AGBL4: variants seen among roughly 807,000 people sequenced by gnomAD.
AGBL4 encodes the protein cytosolic carboxypeptidase 6.
In AGBL4, 58 loss-of-function variants were observed where a neutral mutation model predicts 66.4. That is an observed-to-expected ratio of 0.87 (90% CI 0.71 to 1.09). AGBL4 has a LOEUF of 1.09. Ranked by LOEUF, AGBL4 falls within the 50% of genes least tolerant of loss-of-function variation. The probability of loss-of-function intolerance (pLI) is 0.00; values close to 1 mark genes in which losing one functional copy is unlikely to be tolerated. For synonymous variants in AGBL4, 234 were observed against 222.9 expected (o/e 1.05, Z -0.44); for missense variants, 579 against 631.0 (o/e 0.92, Z 0.88).
intron 5 of AGBL4, among the ~76,000 whole-genome samples, chr1:48,913,497 T>C (rs2148883941): frequency 6.6e-6 from 1 of 152,246 alleles, no homozygotes; most frequent in Middle Eastern, 3.4e-3. Flanking sequence ...TCCTGTCAGA[T>C]CAACAGCAGC....
At chr1:49,517,936 T>C (rs1649960996) in intron 3 of AGBL4, among the ~76,000 whole-genome samples, 1 of 152,040 alleles carries the variant, frequency 6.6e-6, no homozygotes, top group South Asian at 2.1e-4. Flanking sequence ...ATTCTGTTCC[T>C]TTATCAATAA....
At chr1:49,791,977 A>C (rs1269456495) in intron 2 of AGBL4, among the ~76,000 whole-genome samples, 1 of 152,112 alleles carries the variant, frequency 6.6e-6, no homozygotes, top group South Asian at 2.1e-4. Flanking sequence ...AATTTGTATT[A>C]AATAAATGAC....
At chr1:48,944,626 C>T (rs1400000162) in intron 5 of AGBL4, among the ~76,000 whole-genome samples, 1 of 152,164 alleles carries the variant, frequency 6.6e-6, no homozygotes, top group Non-Finnish European at 1.5e-5. Flanking sequence ...CGCCAGGCCT[C>T]ATTCTGTTAT....
At chr1:49,356,761 T>C (rs6659225) in intron 3 of AGBL4, among the ~76,000 whole-genome samples, 105,672 of 152,084 alleles carry the variant, frequency 0.69, 37,619 homozygotes, top group African/African-American at 0.82. Context: ...GTTCTCAATG[T>C]AGGCAAAGTG....
chr1:49,010,731 C>T (rs1027422505), intron 5 of AGBL4, among the ~76,000 whole-genome samples: 8 of 150,826 alleles, frequency 5.3e-5, no homozygotes, highest in Non-Finnish European at 1.2e-4. Flanking sequence ...CGCCGCATAT[C>T]TACAACTATC....
In AGBL4 at chr1:49,095,697, A is replaced by T. The variant is rs571844577; in HGVS notation, c.378-49897T>A. On this transcript the variant is annotated intron_variant, in intron 4 of 13. Coordinates refer to ENST00000371839, the MANE Select transcript of AGBL4 (RefSeq NM_032785.4). ...TTATACAAAAATCAATTCAAGATGG[A>T]TTAAAGACTTAAACATTAGACCTAA... Among the ~76,000 whole-genome samples the T allele has an allele frequency of 1.1e-3, 161 of 152,004 alleles. 2 individuals are homozygous for T. The East Asian group carries it at 0.027, about 25-fold the overall frequency.
intron 2 of AGBL4, among the ~76,000 whole-genome samples, chr1:49,792,422 C>G (rs1051170007): frequency 6.6e-6 from 1 of 151,834 alleles, no homozygotes; most frequent in African/African-American, 2.4e-5. Context: ...ATATTATAAA[C>G]CAGAGCAGAA....
At chr1:49,412,255 T>G (rs1160084342) in intron 3 of AGBL4, among the ~76,000 whole-genome samples, 1 of 152,156 alleles carries the variant, frequency 6.6e-6, no homozygotes, top group African/African-American at 2.4e-5. Context: ...AGCAAGAGCA[T>G]GTTCAGGTTC....
intron 6 of AGBL4, among the ~76,000 whole-genome samples, chr1:48,729,814 T>C (rs555373909): frequency 1.3e-5 from 2 of 152,054 alleles, no homozygotes. Flanking sequence ...AAGCTTTTAA[T>C]TGACCTCGAC....
intron 1 of AGBL4, among the ~76,000 whole-genome samples, chr1:49,978,313 A>G (rs1185637133): frequency 6.6e-6 from 1 of 152,166 alleles, no homozygotes; most frequent in African/African-American, 2.4e-5. Context: ...GTATAGTGGT[A>G]TGCACTTGTA....
At chr1:48,858,241 A>T (rs1407235235) in intron 6 of AGBL4, among the ~76,000 whole-genome samples, 1 of 152,216 alleles carries the variant, frequency 6.6e-6, no homozygotes, top group East Asian at 1.9e-4. Flanking sequence ...GGAATATAAA[A>T]GGTGCAATGA....
At chr1:48,699,081 G>A (rs777037819) in intron 6 of AGBL4, among the ~76,000 whole-genome samples, 2 of 152,200 alleles carry the variant, frequency 1.3e-5, no homozygotes, top group Non-Finnish European at 2.9e-5. Context: ...TCTAGGAGGA[G>A]GACATCCATA....
intron 3 of AGBL4, among the ~76,000 whole-genome samples, chr1:49,487,450 GC>G (rs1242083994): frequency 1.3e-5 from 2 of 152,004 alleles, no homozygotes; most frequent in East Asian, 3.9e-4. Context: ...AATCATGGGG[GC>G]AGTTTCCCCC....
chr1:49,427,071 T>C (rs1203329105), intron 3 of AGBL4, among the ~76,000 whole-genome samples: 3 of 152,120 alleles, frequency 2.0e-5, no homozygotes, highest in Non-Finnish European at 4.4e-5. Flanking sequence ...GAGGCATTTA[T>C]TTTTTGAAGT....
At chr1:49,620,329 A>AAG (rs1468714269) in intron 3 of AGBL4, among the ~76,000 whole-genome samples, 7 of 152,220 alleles carry the variant, frequency 4.6e-5, no homozygotes. Flanking sequence ...CATTTCTCAA[A>AAG]AGAAGACATT....
intron 4 of AGBL4, among the ~76,000 whole-genome samples, chr1:49,083,618 G>A (rs185343982): frequency 8.5e-5 from 13 of 152,326 alleles, no homozygotes; most frequent in Non-Finnish European, 1.5e-4. Context: ...AGGTTCCCAG[G>A]CTTGTGATAG....
At chr1:49,698,300 T>G (rs1647025085) in intron 2 of AGBL4, among the ~76,000 whole-genome samples, 1 of 152,132 alleles carries the variant, frequency 6.6e-6, no homozygotes, top group African/African-American at 2.4e-5. Flanking sequence ...ACATGAAAAT[T>G]TATTTCTATG....
chr1:49,265,476 C>T (rs1424985166), intron 3 of AGBL4, among the ~76,000 whole-genome samples: 1 of 152,094 alleles, frequency 6.6e-6, no homozygotes, highest in Non-Finnish European at 1.5e-5. Context: ...CCAATCAGCT[C>T]CTTTACTTCG....
At chr1:49,214,446 G>A (rs146181830) in intron 4 of AGBL4, among the ~76,000 whole-genome samples, 98 of 152,166 alleles carry the variant, frequency 6.4e-4, no homozygotes, top group African/African-American at 2.3e-3. Flanking sequence ...GTTCTTTCAC[G>A]GCAGTACAGA....
Sources: allele counts gnomAD v4.1 joint callset (sites outside exome capture counted in the v4.1 genomes callset), GRCh38; gene constraint gnomAD v4.1.1; transcripts MANE v1.5; gene names NCBI Gene and HGNC (gene_info 2026-07-23, HGNC 2026-07-21).